The following CHRNA1 variants were observed in gnomAD, a reference collection of about 807,000 sequenced individuals.
The protein encoded by CHRNA1 is cholinergic receptor nicotinic alpha 1 subunit.
CHRNA1 carries 35 observed loss-of-function variants against 47.1 expected under a neutral mutation model. The ratio of observed to expected loss-of-function variants is 0.74; its 90% CI spans 0.57 to 0.99. CHRNA1 has a LOEUF of 0.99. Ranked by LOEUF, CHRNA1 falls within the 50% of genes least tolerant of loss-of-function variation. CHRNA1 has a pLI of 0.00. For synonymous variants in CHRNA1, 229 were observed against 223.6 expected (o/e 1.02, Z -0.22); for missense variants, 506 against 591.1 (o/e 0.86, Z 1.49).
intron 4 of CHRNA1, among the ~76,000 whole-genome samples, chr2:174,756,988 G>C (rs541040360): frequency 1.3e-5 from 2 of 152,330 alleles, no homozygotes; most frequent in Non-Finnish European, 2.9e-5. Context: ...TTCACAACAT[G>C]CAGTCTGTCG....
Position 174,759,468 on chromosome 2 carries a change from C to A in CHRNA1, c.189+20G>T. 6.2e-7 allele frequency: 1 copy of A among 1,614,050 alleles called. No homozygotes were observed. Among genetic ancestry groups the A allele is most frequent in the Non-Finnish European group, 8.5e-7 (1 of 1,180,006 alleles). ...GAGAGGTGTGGGTGTGTGGGCAGGC[C>A]CCCAGTGCTCTTGTCTCACCACATT... On this transcript the variant is annotated intron_variant, in intron 2 of 8. Transcript: ENST00000348749.
At position 174,750,074 on chromosome 2, in the gene CHRNA1, G is replaced by A. The variant is rs1442879753; in HGVS notation, c.874C>T (p.Pro292Ser). 8 of 1,613,940 alleles carry A rather than the reference G, an allele frequency of 5.0e-6. No individual in the cohort carries two copies. Among genetic ancestry groups the A allele is most frequent in the Admixed American group, 1.7e-5 (1 of 59,984 alleles). ...ELIPSTSSAV[P>S]LIGKYMLFTM... ...AACAGCATGTATTTTCCAATCAAGGGCACAGCACTGGACGTGGAGGGGATC... is the reference window on the plus strand; with the variant it reads ...AACAGCATGTATTTTCCAATCAAGGACACAGCACTGGACGTGGAGGGGATC... The change falls in exon 7 of 9, where the codon CCC (proline) becomes TCC (serine). Residue 292 changes from proline (P) to serine (S), a missense_variant. By Grantham distance (74) the Pro-to-Ser change is moderately conservative. Transcript: ENST00000348749.
At chr2:174,752,625 G>C (rs1008490797) in intron 6 of CHRNA1, 1 of 152,168 alleles carries the variant, frequency 6.6e-6, no homozygotes, top group Non-Finnish European at 1.5e-5. Flanking sequence ...GCACTCTGAG[G>C]GGTGAGGCAC....
intron 4 of CHRNA1, among the ~76,000 whole-genome samples, chr2:174,754,624 C>T (rs1683937245): frequency 6.6e-6 from 1 of 152,036 alleles, no homozygotes; most frequent in Middle Eastern, 3.2e-3. Flanking sequence ...CAGAGTTCTG[C>T]ACACCCTCTA....
At position 174,748,737 on chromosome 2, in the gene CHRNA1, A is replaced by G. The variant is rs1683787278; in HGVS notation, c.1085T>C (p.Phe362Ser). Residue 362 changes from phenylalanine (F) to serine (S), a missense_variant, in exon 8 of 9, where the codon TTT becomes TCT. Coordinates refer to ENST00000348749, the MANE Select transcript of CHRNA1 (RefSeq NM_000079.4). Reference sequence around the variant, plus strand: ...GTCAGAGATATCAATGTCTTCTGTAAAAATCTTTTTGTCTTGCTTTTCTCT... The same window carrying G: ...GTCAGAGATATCAATGTCTTCTGTAGAAATCTTTTTGTCTTGCTTTTCTCT... ...PSREKQDKKIFTEDIDISDIS... is the reference protein window; with the variant it reads ...PSREKQDKKISTEDIDISDIS... The G allele has an allele frequency of 6.2e-7, 1 of 1,614,082 alleles. No homozygotes were observed. Among genetic ancestry groups the G allele is most frequent in the Non-Finnish European group, 8.5e-7 (1 of 1,180,038 alleles).
At position 174,748,036 on chromosome 2, in the gene CHRNA1, G is replaced by T; in HGVS notation, c.*88C>A. 1.3e-6 allele frequency: 2 copies of T among 1,511,456 alleles called. No individual in the cohort carries two copies. Among genetic ancestry groups the T allele is most frequent in the South Asian group, 2.3e-5 (2 of 87,878 alleles). The allele number at this position is 1,511,456 out of a possible 1,614,324, so 93.6% of individuals were successfully genotyped here. On this transcript the variant is annotated 3_prime_UTR_variant, in exon 9 of 9. Transcript: ENST00000348749. ...GGAATATAACACGTTTGATAAGTGC[G>T]AGTGGAGCAAGTAGACAAATCTTCC...
chr2:174,755,150 G>T (rs1352234938), intron 4 of CHRNA1, among the ~76,000 whole-genome samples: 1 of 152,110 alleles, frequency 6.6e-6, no homozygotes, highest in African/African-American at 2.4e-5. Flanking sequence ...CTCTCAAAGT[G>T]CTAGGATTAC....
At chr2:174,760,259 A>ATT (rs2105352822) in intron 1 of CHRNA1, among the ~76,000 whole-genome samples, 1 of 152,334 alleles carries the variant, frequency 6.6e-6, no homozygotes, top group Non-Finnish European at 1.5e-5. Context: ...GAAGAGCAGC[A>ATT]TTATTTACCA....
At chr2:174,754,882 CTTTTTTTTT>C (rs34233623) in intron 4 of CHRNA1, among the ~76,000 whole-genome samples, 25 of 120,414 alleles carry the variant, frequency 2.1e-4, no homozygotes, top group African/African-American at 8.4e-4. Context: ...GCCTACTACT[CTTTTTTTTT>C]TTTTTTTTTT....
At chr2:174,757,981 A>C (rs1484287321) in intron 3 of CHRNA1, 1 of 1,611,128 alleles carries the variant, frequency 6.2e-7, no homozygotes, top group Non-Finnish European at 8.5e-7. Flanking sequence ...GGAACTCCCA[A>C]AGTCACGCAG....
Position 174,748,180 on chromosome 2 carries a change from T to A in CHRNA1, c.1318A>T (p.Ile440Phe). ...LLGVFMLVCI[I>F]GTLAVFAGRL... ...CCTGCAAACACGGCTAGGGTTCCGA[T>A]GATGCAAACAAGCATGAAGACTCCG... Residue 440 changes from isoleucine to phenylalanine, a missense_variant, in exon 9 of 9, where the codon ATC (isoleucine) becomes TTC (phenylalanine). Coordinates refer to ENST00000348749, the MANE Select transcript of CHRNA1 (RefSeq NM_000079.4). 1 of 1,614,132 alleles carries A rather than the reference T, an allele frequency of 6.2e-7. No individual in the cohort carries two copies. Among genetic ancestry groups the A allele is most frequent in the South Asian group, 1.1e-5 (1 of 91,084 alleles).
Position 174,764,471 on chromosome 2 carries a change from C to G in CHRNA1, c.-77G>C. On this transcript the variant is annotated 5_prime_UTR_variant, in exon 1 of 9. Transcript: ENST00000348749. ...ACTGGCACTCTGGCTGGGTGCTTGTCTGCTGGAGGGTTTGGAAAGCGAGTC... is the reference window on the plus strand; with the variant it reads ...ACTGGCACTCTGGCTGGGTGCTTGTGTGCTGGAGGGTTTGGAAAGCGAGTC... 6.7e-7 allele frequency: 1 copy of G among 1,490,196 alleles called. No homozygotes were observed. Among genetic ancestry groups the G allele is most frequent in the South Asian group, 1.2e-5 (1 of 85,116 alleles). 92.3% of individuals were successfully genotyped at this position (1,490,196 alleles called of 1,614,324 possible).
Position 174,749,939 on chromosome 2 carries a change from C to A in CHRNA1, c.1002+7G>T, listed in dbSNP as rs746273520. ...CGTGTGAAGTCTGCAGGGGCCTCCC[C>A]ACTCACCTTCCGCACCCAGTTGGGC... is the stretch of plus-strand genomic sequence containing the variant. On this transcript the variant is annotated splice_region_variant and intron_variant, in intron 7 of 8. Transcript: ENST00000348749. The A allele has an allele frequency of 2.5e-6, 4 of 1,613,148 alleles. No homozygotes were observed. Among genetic ancestry groups the A allele is most frequent in the Admixed American group, 3.3e-5 (2 of 60,006 alleles).
At position 174,754,337 on chromosome 2, in the gene CHRNA1, G is replaced by A; in HGVS notation, c.422C>T (p.Pro141Leu). 1.9e-6 allele frequency: 3 copies of A among 1,614,220 alleles called. No individual in the cohort carries two copies. The South Asian group carries it at 3.3e-5, about 18-fold the overall frequency. Residue 141 changes from proline to leucine, a missense_variant, in exon 5 of 9, where the codon CCA becomes CTA. Physicochemically the swap from Pro to Leu is moderately conservative, Grantham distance 98. Transcript: ENST00000348749. ...CTCACAGTAGCTTTTAAAGATGGCT[G>A]GAGGTGTCCACGTGATGTGGCCAGT... Reference protein sequence around the residue: ...QYTGHITWTPPAIFKSYCEII... With the variant: ...QYTGHITWTPLAIFKSYCEII...
At chr2:174,764,281 T>G (rs1291280157) in intron 1 of CHRNA1, 71 bp downstream of exon 1, 2 of 1,514,502 alleles carry the variant, frequency 1.3e-6, no homozygotes, top group Non-Finnish European at 1.8e-6. Context: ...AAGCAAGACT[T>G]TGATTTGGGG....
intron 1 of CHRNA1, among the ~76,000 whole-genome samples, chr2:174,763,408 A>G (rs1484131923): frequency 6.6e-6 from 1 of 152,132 alleles, no homozygotes; most frequent in Admixed American, 6.5e-5. Context: ...GATATAATTT[A>G]TCTGAGTTTA....
rs1054392349 is a variant in CHRNA1, at chr2:174,753,687, G to C, written c.594C>G (p.Ile198Met). 51 of 1,613,976 alleles carry C rather than the reference G, an allele frequency of 3.2e-5. No homozygotes were observed. The highest frequency in any genetic ancestry group is 4.3e-5 in the Non-Finnish European group (51 of 1,180,018). The change falls in exon 6 of 9, where the codon ATC becomes ATG. Residue 198 changes from isoleucine (I) to methionine (M), a missense_variant. Ile to Met is a conservative substitution (Grantham distance 10, BLOSUM62 1). Transcript: ENST00000348749. ...SNFMESGEWV[I>M]KESRGWKHSV... ...AGTGCTTCCAGCCCCGGGACTCCTTGATCACCCACTCCCCGCTCTCCATGA... is the reference window on the plus strand; with the variant it reads ...AGTGCTTCCAGCCCCGGGACTCCTTCATCACCCACTCCCCGCTCTCCATGA...
chr2:174,749,866 G>T, intron 7 of CHRNA1, 80 bp downstream of exon 7: 2 of 1,264,104 alleles, frequency 1.6e-6, no homozygotes, highest in Non-Finnish European at 2.3e-6. Context: ...CCAAGTATTA[G>T]CTAGAAACCC....
intron 2 of CHRNA1, 44 bp from the exon 3 acceptor site, chr2:174,759,419 A>T (rs1387159597): frequency 6.2e-7 from 1 of 1,613,364 alleles, no homozygotes; most frequent in Non-Finnish European, 8.5e-7. Flanking sequence ...GAGAGAGGGG[A>T]CCCAGGGGAG....
Sources: allele counts gnomAD v4.1 joint callset (sites outside exome capture counted in the v4.1 genomes callset), GRCh38; gene constraint gnomAD v4.1.1; transcripts MANE v1.5; gene names NCBI Gene and HGNC (gene_info 2026-07-23, HGNC 2026-07-21).